MMAA: variants seen among roughly 807,000 people sequenced by gnomAD.
MMAA encodes metabolism of cobalamin associated A, also known as methylmalonic aciduria type A protein, mitochondrial.
A neutral mutation model predicts 45.0 loss-of-function variants in MMAA; 41 were observed. The observed-to-expected ratio is 0.91, with a 90% CI of 0.71 to 1.18. MMAA has a LOEUF of 1.18. MMAA is among the 50% of genes most tolerant of loss of function. The pLI, the probability that MMAA is intolerant of heterozygous loss-of-function variation, is 0.00. For missense variants in MMAA, 460 were observed against 495.7 expected, an observed-to-expected ratio of 0.93 and a Z score of 0.68; for synonymous variants, 154 against 178.2, an observed-to-expected ratio of 0.86 and a Z score of 1.08.
chr4:145,655,473 A>G lies in MMAA; in HGVS notation c.*39A>G. 3 of 1,534,852 alleles carry G rather than the reference A, an allele frequency of 2.0e-6. No homozygotes were observed. The highest frequency in any genetic ancestry group is 2.7e-6 in the Non-Finnish European group (3 of 1,123,408). On this transcript the variant is annotated 3_prime_UTR_variant, in exon 7 of 7. Transcript: ENST00000649156. ...GTATAATAATTTTACATATCATTTC[A>G]TAAAGTATTTTAATAGAAAAATCAC...
At chr4:145,635,171 G>A (rs1240124395) in intron 1 of MMAA, among the ~76,000 whole-genome samples, 1 of 152,076 alleles carries the variant, frequency 6.6e-6, no homozygotes, top group Non-Finnish European at 1.5e-5. Flanking sequence ...GGCCTAGACT[G>A]CCATTAAAGT....
chr4:145,626,067 C>A lies in MMAA; in HGVS notation c.-66+6660C>A, dbSNP rs1457056579. Reference sequence around the variant, plus strand: ...CACAGCTCCAGGTCCCAGTGCCTCTCTGGGGCAGTCGGAGGGGACCTTGGG... The same window carrying A: ...CACAGCTCCAGGTCCCAGTGCCTCTATGGGGCAGTCGGAGGGGACCTTGGG... On this transcript the variant is annotated intron_variant, in intron 1 of 6. Coordinates refer to ENST00000649156, the MANE Select transcript of MMAA (RefSeq NM_172250.3). 30 of 952,738 alleles carry A rather than the reference C, an allele frequency of 3.1e-5. No homozygotes were observed. The South Asian group carries it at 4.4e-4, about 14-fold the overall frequency. 59.0% of individuals were successfully genotyped at this position (952,738 alleles called of 1,614,324 possible).
intron 3 of MMAA, among the ~76,000 whole-genome samples, chr4:145,644,849 T>A (rs1236043809): frequency 6.6e-6 from 1 of 152,188 alleles, no homozygotes; most frequent in Non-Finnish European, 1.5e-5. Context: ...GAAGGATGCT[T>A]ATTTAGCAGC....
intron 5 of MMAA, among the ~76,000 whole-genome samples, chr4:145,653,262 CAT>C (rs1234775086): frequency 6.6e-6 from 1 of 152,126 alleles, no homozygotes; most frequent in Admixed American, 6.5e-5. Flanking sequence ...TATTTAGAAA[CAT>C]TAACTATTAG....
intron 2 of MMAA, chr4:145,639,789 A>G (rs1294267246): frequency 1.1e-5 from 11 of 984,272 alleles, no homozygotes; most frequent in Non-Finnish European, 1.3e-5. Flanking sequence ...TATTTTAAGA[A>G]AATAATATAA....
chr4:145,658,369 C>A lies in MMAA; in HGVS notation c.*2935C>A, dbSNP rs1462182011. 6.6e-6 allele frequency: 1 copy of A among 151,986 alleles called. No individual in the cohort carries two copies. The highest frequency in any genetic ancestry group is 2.4e-5 in the African/African-American group (1 of 41,364). 9.4% of individuals were successfully genotyped at this position (151,986 alleles called of 1,614,324 possible). On this transcript the variant is annotated 3_prime_UTR_variant, in exon 7 of 7. Transcript: ENST00000649156. ...CAGTGTCCATCTTAAAAAGATAATT[C>A]TGAAAAAAATCTCATAGGTTCACTT...
intron 3 of MMAA, 35 bp downstream of exon 3, chr4:145,642,520 T>C (rs200851918): frequency 6.2e-7 from 1 of 1,613,380 alleles, no homozygotes. Flanking sequence ...ATTGCAGAGG[T>C]CTGGGGGCTT....
Position 145,652,875 on chromosome 4 carries a change from CT to C in MMAA, c.820-1109del, listed in dbSNP as rs967971102. Among the ~76,000 whole-genome samples, 31 of 147,862 alleles carry C rather than the reference CT, an allele frequency of 2.1e-4. No individual in the cohort carries two copies. In the Middle Eastern group the frequency reaches 0.01, roughly 50 times the overall value. On this transcript the variant is annotated intron_variant, in intron 5 of 6. Transcript: ENST00000649156. ...ACCCAAAAACCAGACAAATTTTTTCCTTTTTTTTTTCAGAGACAGGGTCTCA... is the reference window on the plus strand; with the variant it reads ...ACCCAAAAACCAGACAAATTTTTTCCTTTTTTTTTCAGAGACAGGGTCTCA...
intron 1 of MMAA, among the ~76,000 whole-genome samples, chr4:145,622,710 A>C (rs1368609276): frequency 1.3e-5 from 2 of 152,222 alleles, no homozygotes; most frequent in African/African-American, 4.8e-5. Flanking sequence ...TGACAATGTA[A>C]AATACAGTGT....
At chr4:145,627,848 G>T (rs1734236515) in intron 1 of MMAA, among the ~76,000 whole-genome samples, 2 of 152,128 alleles carry the variant, frequency 1.3e-5, no homozygotes, top group Non-Finnish European at 2.9e-5. Flanking sequence ...TATATATCAT[G>T]TTATTTCAGA....
chr4:145,642,712 G>A (rs1297578626), intron 3 of MMAA: 1 of 540,138 alleles, frequency 1.9e-6, no homozygotes, highest in African/African-American at 1.9e-5. Context: ...TCAGAAAACT[G>A]CGACAACAGG....
At chr4:145,650,781 G>A (rs572877951) in intron 4 of MMAA, 5 of 461,656 alleles carry the variant, frequency 1.1e-5, no homozygotes, top group South Asian at 1.0e-4. Flanking sequence ...TGAAAAGGAA[G>A]CCAAGAAAGA....
intron 1 of MMAA, among the ~76,000 whole-genome samples, chr4:145,628,403 T>C (rs1734248029): frequency 6.6e-6 from 1 of 152,252 alleles, no homozygotes; most frequent in Non-Finnish European, 1.5e-5. Flanking sequence ...TGTTCCATCC[T>C]GGAGGATCTA....
At chr4:145,622,654 A>G (rs1032662943) in intron 1 of MMAA, among the ~76,000 whole-genome samples, 4 of 152,218 alleles carry the variant, frequency 2.6e-5, no homozygotes, top group Non-Finnish European at 4.4e-5. Flanking sequence ...ATGCAAAATA[A>G]TGTTTTACAT....
At chr4:145,645,029 C>T (rs940852168) in intron 3 of MMAA, among the ~76,000 whole-genome samples, 5 of 152,174 alleles carry the variant, frequency 3.3e-5, no homozygotes, top group Admixed American at 6.5e-5. Flanking sequence ...AGTTTTCCAT[C>T]CATTAACTCA....
chr4:145,640,363 TTGG>T (rs1727749849), intron 2 of MMAA, among the ~76,000 whole-genome samples: 1 of 152,190 alleles, frequency 6.6e-6, no homozygotes, highest in African/African-American at 2.4e-5. Flanking sequence ...TCCACCCGTC[TTGG>T]CCTCCCAAAG....
chr4:145,632,547 T>C (rs1343214876), intron 1 of MMAA, among the ~76,000 whole-genome samples: 1 of 152,248 alleles, frequency 6.6e-6, no homozygotes, highest in African/African-American at 2.4e-5. Context: ...TCTTTCCCTA[T>C]GTTTGGGAAG....
At position 145,655,617 on chromosome 4, in the gene MMAA, A is replaced by G. The variant is rs1467702962; in HGVS notation, c.*183A>G. 5.1e-6 allele frequency: 3 copies of G among 587,458 alleles called. No individual in the cohort carries two copies. Among genetic ancestry groups the G allele is most frequent in the African/African-American group, 1.9e-5 (1 of 53,430 alleles). The allele number at this position is 587,458 out of a possible 1,614,324, so 36.4% of individuals were successfully genotyped here. A position where few individuals can be genotyped will look rare whatever the true frequency, so the allele number is the denominator to read the frequency against. The stretch of plus-strand genomic sequence containing the variant: ...ATGGCAAAAGTTAGGCAGTATTTAT[A>G]AGGTACCTGTTTTATGTTACTGATA... On this transcript the variant is annotated 3_prime_UTR_variant, in exon 7 of 7. Coordinates refer to ENST00000649156, the MANE Select transcript of MMAA (RefSeq NM_172250.3).
In MMAA at chr4:145,639,942, A is replaced by G. The variant is rs530905305; in HGVS notation, c.439+364A>G. On this transcript the variant is annotated intron_variant, in intron 2 of 6. Coordinates refer to ENST00000649156, the MANE Select transcript of MMAA (RefSeq NM_172250.3). ...AGTGAATTCCCTGTTTTGTTGTCGT[A>G]TCAACTATAATTATCACGTTTGAAA... 4.9e-6 allele frequency: 3 copies of G among 615,272 alleles called. No individual in the cohort carries two copies. The South Asian group carries it at 2.2e-4, about 45-fold the overall frequency. 38.1% of individuals were successfully genotyped at this position (615,272 alleles called of 1,614,324 possible). A position where few individuals can be genotyped will look rare whatever the true frequency, so the allele number is the denominator to read the frequency against.
Sources: allele counts gnomAD v4.1 joint callset (sites outside exome capture counted in the v4.1 genomes callset), GRCh38; gene constraint gnomAD v4.1.1; transcripts MANE v1.5; gene names NCBI Gene and HGNC (gene_info 2026-07-23, HGNC 2026-07-21).